The following NRXN1 variants were observed in gnomAD, a reference collection of about 807,000 sequenced individuals.
NRXN1 encodes neurexin-1.
In NRXN1, 39 loss-of-function variants were observed where a neutral mutation model predicts 150.9. The ratio of observed to expected loss-of-function variants is 0.26; its 90% CI spans 0.20 to 0.34. The LOEUF (loss-of-function observed/expected upper bound fraction) is 0.34. Among genes scored for constraint, NRXN1 ranks in the 10% least tolerant of loss-of-function variants. The pLI, the probability that NRXN1 is intolerant of heterozygous loss-of-function variation, is 1.00. For missense variants in NRXN1, 1,815 were observed against 1,949.9 expected (o/e 0.93, Z 1.30); for synonymous variants, 924 against 757.0 (o/e 1.22, Z -3.62).
At chr2:50,708,406 T>C (rs1694724799) in intron 5 of NRXN1, among the ~76,000 whole-genome samples, 1 of 152,190 alleles carries the variant, frequency 6.6e-6, no homozygotes, top group African/African-American at 2.4e-5. Context: ...TTGGCATTTC[T>C]TCTTATTGGC....
chr2:50,253,048 G>A (rs929160559), intron 17 of NRXN1, among the ~76,000 whole-genome samples: 2 of 152,134 alleles, frequency 1.3e-5, no homozygotes, highest in Non-Finnish European at 1.5e-5. Context: ...CATGAGCATG[G>A]AATGCTTTTT....
rs928920620 is a variant in NRXN1 at position 50,546,146 on chromosome 2, T to G, written c.1759+6441A>C. Among the ~76,000 whole-genome samples, 3 of 152,096 alleles carry G rather than the reference T, an allele frequency of 2.0e-5. No homozygotes were observed. The East Asian group carries it at 5.8e-4, about 29-fold the overall frequency. On this transcript the variant is annotated intron_variant, in intron 9 of 22. Coordinates refer to ENST00000401669, the MANE Select transcript of NRXN1 (RefSeq NM_001330078.2). ...TCAGACTTACAATGGGAACTAAATC[T>G]TAATCAAAAGAGTGCATGGGGAACA...
At chr2:50,955,892 A>G (rs565334424) in intron 2 of NRXN1, among the ~76,000 whole-genome samples, 1 of 152,194 alleles carries the variant, frequency 6.6e-6, no homozygotes, top group Non-Finnish European at 1.5e-5. Flanking sequence ...TTCTGTAGCT[A>G]CAGACTGGGG....
chr2:50,545,288 C>T (rs1170290357), intron 9 of NRXN1, among the ~76,000 whole-genome samples: 1 of 152,182 alleles, frequency 6.6e-6, no homozygotes, highest in Non-Finnish European at 1.5e-5. Context: ...GACACATATA[C>T]ATTTTAAACA....
rs541709624 is a variant in NRXN1 at position 50,422,979 on chromosome 2, A to G, written c.3364+42463T>C. Among the ~76,000 whole-genome samples, 42 of 152,332 alleles carry G rather than the reference A, an allele frequency of 2.8e-4. 1 individual carries two copies. In the Middle Eastern group the frequency reaches 0.01, roughly 37 times the overall value. ...TTTTAACCCACCACATTCCATGGAA[A>G]ACGTTTTGCTGGCCAAATAAAACCC... On this transcript the variant is annotated intron_variant, in intron 17 of 22. Transcript: ENST00000401669.
intron 2 of NRXN1, among the ~76,000 whole-genome samples, chr2:50,946,771 A>T (rs1351858647): frequency 6.6e-6 from 1 of 152,178 alleles, no homozygotes; most frequent in Non-Finnish European, 1.5e-5. Context: ...TCTGATTTAA[A>T]CTTTAAAAAA....
intron 18 of NRXN1, among the ~76,000 whole-genome samples, chr2:50,181,081 GAA>G (rs1355191192): frequency 1.3e-5 from 2 of 151,960 alleles, no homozygotes; most frequent in African/African-American, 4.8e-5. Context: ...ATTTAACCAT[GAA>G]AAGAGTTTTA....
At chr2:50,966,437 G>C (rs565421917) in intron 2 of NRXN1, among the ~76,000 whole-genome samples, 16 of 151,622 alleles carry the variant, frequency 1.1e-4, no homozygotes, top group Admixed American at 4.0e-4. Flanking sequence ...TGACAATAAC[G>C]GAGGGCCTTA....
intron 17 of NRXN1, among the ~76,000 whole-genome samples, chr2:50,344,638 A>T (rs1185684104): frequency 6.6e-6 from 1 of 152,192 alleles, no homozygotes; most frequent in East Asian, 1.9e-4. Context: ...CAATCACTGT[A>T]TTCTGGAGGG....
intron 17 of NRXN1, among the ~76,000 whole-genome samples, chr2:50,292,478 C>T (rs1034627830): frequency 5.3e-5 from 8 of 152,146 alleles, no homozygotes; most frequent in African/African-American, 1.7e-4. Context: ...TAAAGGAAGA[C>T]TCCATGTCAG....
At chr2:50,377,265 A>C (rs1035506736) in intron 17 of NRXN1, among the ~76,000 whole-genome samples, 2 of 151,924 alleles carry the variant, frequency 1.3e-5, no homozygotes, top group African/African-American at 4.8e-5. Flanking sequence ...TCCCCCTAAC[A>C]GGCCCCAGTG....
chr2:50,749,598 C>G (rs1700367238), intron 5 of NRXN1, among the ~76,000 whole-genome samples: 1 of 152,008 alleles, frequency 6.6e-6, no homozygotes, highest in Non-Finnish European at 1.5e-5. Flanking sequence ...ACATGTTCAT[C>G]TTTTAAAAAT....
intron 17 of NRXN1, among the ~76,000 whole-genome samples, chr2:50,334,009 A>C (rs1424262703): frequency 6.6e-6 from 1 of 151,844 alleles, no homozygotes; most frequent in Non-Finnish European, 1.5e-5. Context: ...CCACAAGTGA[A>C]GGATGGAGCC....
At chr2:50,608,468 T>A (rs1410404646) in intron 8 of NRXN1, among the ~76,000 whole-genome samples, 1 of 152,176 alleles carries the variant, frequency 6.6e-6, no homozygotes, top group East Asian at 1.9e-4. Context: ...TCTCTAGGTA[T>A]GCTATGAGTT....
intron 2 of NRXN1, among the ~76,000 whole-genome samples, chr2:50,986,980 G>A (rs540719350): frequency 1.8e-4 from 28 of 151,816 alleles, no homozygotes; most frequent in African/African-American, 6.3e-4. Flanking sequence ...AGGAATGGAG[G>A]ACTCTTTTCC....
intron 4 of NRXN1, among the ~76,000 whole-genome samples, chr2:50,922,166 A>G (rs1186077682): frequency 5.3e-5 from 8 of 151,896 alleles, no homozygotes; most frequent in Admixed American, 5.3e-4. Context: ...ATCTACGTAG[A>G]GAAAGTATTG....
intron 5 of NRXN1, among the ~76,000 whole-genome samples, chr2:50,863,278 G>C (rs1400504886): frequency 6.6e-6 from 1 of 152,012 alleles, no homozygotes; most frequent in Non-Finnish European, 1.5e-5. Flanking sequence ...ATCAAAAAGA[G>C]CTCTAGTTTT....
At chr2:50,018,229 G>T (rs1432880066) in intron 21 of NRXN1, among the ~76,000 whole-genome samples, 1 of 152,028 alleles carries the variant, frequency 6.6e-6, no homozygotes, top group Non-Finnish European at 1.5e-5. Context: ...AGCATATAAG[G>T]CTGGACGTTT....
At chr2:50,429,257 T>A (rs1334941761) in intron 17 of NRXN1, among the ~76,000 whole-genome samples, 1 of 131,636 alleles carries the variant, frequency 7.6e-6, no homozygotes, top group African/African-American at 2.6e-5. Flanking sequence ...AAAAAAATAC[T>A]TTTTTTTCTT....
Sources: gnomAD v4.1 joint callset for allele counts (sites outside exome capture counted in the v4.1 genomes callset) on GRCh38, gnomAD v4.1.1 for gene constraint, MANE v1.5 for transcripts, NCBI Gene and HGNC (gene_info 2026-07-23, HGNC 2026-07-21) for gene names.